Variants in SLCO6A1 observed in about 807,000 individuals in gnomAD.
SLCO6A1 encodes cancer/testis antigen 48.
Under a neutral mutation model 72.7 loss-of-function variants are expected in SLCO6A1, and 65 were observed. The observed-to-expected ratio is 0.89, with a 90% CI of 0.73 to 1.10. The LOEUF (loss-of-function observed/expected upper bound fraction) is 1.10. SLCO6A1 is among the 50% of genes least tolerant of loss of function. The probability of loss-of-function intolerance (pLI) is 0.00; values close to 1 mark genes in which losing one functional copy is unlikely to be tolerated. For missense variants in SLCO6A1, 874 were observed against 872.6 expected, an observed-to-expected ratio of 1.00 and a Z score of -0.02; for synonymous variants, 314 against 298.2, an observed-to-expected ratio of 1.05 and a Z score of -0.55.
intron 9 of SLCO6A1, among the ~76,000 whole-genome samples, chr5:102,412,403 A>T (rs750226725): frequency 2.6e-5 from 4 of 152,082 alleles, no homozygotes; most frequent in Admixed American, 2.0e-4. Flanking sequence ...TTGACATTTT[A>T]ATGTAGGAAT....
At chr5:102,407,480 G>A (rs889467797) in intron 9 of SLCO6A1, among the ~76,000 whole-genome samples, 4 of 152,120 alleles carry the variant, frequency 2.6e-5, no homozygotes, top group Non-Finnish European at 5.9e-5. Context: ...TCTTTCCTGG[G>A]CAAGGCCAAG....
chr5:102,477,432 G>T (rs905675814), intron 3 of SLCO6A1, among the ~76,000 whole-genome samples: 1 of 151,944 alleles, frequency 6.6e-6, no homozygotes, highest in Non-Finnish European at 1.5e-5. Context: ...CCGAAAGTAC[G>T]TATTTTTTCA....
Position 102,456,774 on chromosome 5 carries a change from A to C in SLCO6A1, c.1131+1608T>G, listed in dbSNP as rs555087808. On this transcript the variant is annotated intron_variant, in intron 6 of 13. Coordinates refer to ENST00000506729, the MANE Select transcript of SLCO6A1 (RefSeq NM_173488.5). The stretch of plus-strand genomic sequence containing the variant: ...CTACTTTAAAGTTCATATGGAACCA[A>C]AAAAGAGCCCTCATTGCCAAGACAA... 8.5e-5 allele frequency among the ~76,000 whole-genome samples: 13 copies of C among 152,246 alleles called. No individual in the cohort carries two copies. In the South Asian group the frequency reaches 2.1e-3, roughly 24 times the overall value.
intron 9 of SLCO6A1, among the ~76,000 whole-genome samples, chr5:102,411,069 G>A (rs1747949465): frequency 6.6e-6 from 1 of 152,124 alleles, no homozygotes; most frequent in African/African-American, 2.4e-5. Flanking sequence ...AAGTTTCAGG[G>A]GATTGGGTGC....
rs1751996825 is a variant in SLCO6A1, at chr5:102,477,955, C to T, written c.617-94G>A. ...TTATCAAATATTTTACAAGCTATTTCCAAAATTATGCTTTTTTCTTTTAGT... is the reference window on the plus strand; with the variant it reads ...TTATCAAATATTTTACAAGCTATTTTCAAAATTATGCTTTTTTCTTTTAGT... On this transcript the variant is annotated intron_variant, in intron 2 of 13. Transcript: ENST00000506729. 3 of 1,226,162 alleles carry T rather than the reference C, an allele frequency of 2.4e-6. No individual in the cohort carries two copies. The Admixed American group carries it at 7.0e-5, about 29-fold the overall frequency. 76.0% of individuals were successfully genotyped at this position (1,226,162 alleles called of 1,614,324 possible).
At chr5:102,469,123 G>A (rs1751464897) in intron 4 of SLCO6A1, among the ~76,000 whole-genome samples, 1 of 151,978 alleles carries the variant, frequency 6.6e-6, no homozygotes. Flanking sequence ...TTTTTGCTTA[G>A]GATTGTCTTG....
rs141222446 is a variant in SLCO6A1 at position 102,391,330 on chromosome 5, CTT to C, written c.1815-287_1815-286del. 8.8e-3 allele frequency: 3,287 copies of C among 373,194 alleles called. 88 individuals carry two copies. The highest frequency in any genetic ancestry group is 0.061 in the African/African-American group (2,984 of 48,634). The allele number at this position is 373,194 out of a possible 1,614,324, so 23.1% of individuals were successfully genotyped here. ...AGCTCCCATTCCTTTGCTGGAAAGA[CTT>C]AGCACTAGATTTTATACTTACCGGT... On this transcript the variant is annotated intron_variant, in intron 10 of 13. Coordinates refer to ENST00000506729, the MANE Select transcript of SLCO6A1 (RefSeq NM_173488.5).
intron 6 of SLCO6A1, among the ~76,000 whole-genome samples, chr5:102,450,688 A>T (rs145766766): frequency 6.6e-6 from 1 of 152,312 alleles, no homozygotes; most frequent in East Asian, 1.9e-4. Flanking sequence ...TGGCAATGGC[A>T]GAGGGCCTTT....
At chr5:102,390,671 G>C (rs760019873) in intron 11 of SLCO6A1, among the ~76,000 whole-genome samples, 1 of 152,096 alleles carries the variant, frequency 6.6e-6, no homozygotes. Context: ...GCAATGTAAA[G>C]TATTACAAGA....
chr5:102,410,837 A>G (rs1747935028), intron 9 of SLCO6A1, among the ~76,000 whole-genome samples: 1 of 152,158 alleles, frequency 6.6e-6, no homozygotes, highest in South Asian at 2.1e-4. Flanking sequence ...TAAGTCTCTC[A>G]CTTTCCTGGA....
chr5:102,391,213 C>T lies in SLCO6A1; in HGVS notation c.1815-168G>A, dbSNP rs895088850. 6.6e-6 allele frequency: 4 copies of T among 606,578 alleles called. No homozygotes were observed. In the Admixed American group the frequency reaches 1.2e-4, roughly 18 times the overall value. The allele number at this position is 606,578 out of a possible 1,614,324, so 37.6% of individuals were successfully genotyped here. A position where few individuals can be genotyped will look rare whatever the true frequency, so the allele number is the denominator to read the frequency against. On this transcript the variant is annotated intron_variant, in intron 10 of 13. Coordinates refer to ENST00000506729, the MANE Select transcript of SLCO6A1 (RefSeq NM_173488.5). ...GGCCTGTTAAAGGACTACAACTCCC[C>T]ATTTCTCCATATCCTGCCCCTTGCC...
intron 1 of SLCO6A1, among the ~76,000 whole-genome samples, chr5:102,494,805 C>T (rs1182969233): frequency 1.3e-5 from 2 of 152,158 alleles, no homozygotes; most frequent in South Asian, 4.1e-4. Flanking sequence ...CGGGCAGGAT[C>T]GCAAATGGTA....
At chr5:102,379,773 CAAAA>C (rs10672287) in intron 12 of SLCO6A1, among the ~76,000 whole-genome samples, 78 of 141,018 alleles carry the variant, frequency 5.5e-4, no homozygotes, top group South Asian at 4.1e-3. Flanking sequence ...TTGTCAATTT[CAAAA>C]AAAAAAAAAA....
rs10073333 is a variant in SLCO6A1, at chr5:102,413,037, G to C, written c.1579C>G (p.Pro527Ala). The change falls in exon 9 of 14, where the codon CCC (proline) becomes GCC (alanine). Residue 527 changes from proline to alanine, a missense_variant. Physicochemically the swap from Pro to Ala is conservative, Grantham distance 27. Coordinates refer to ENST00000506729, the MANE Select transcript of SLCO6A1 (RefSeq NM_173488.5). The stretch of plus-strand genomic sequence containing the variant: ...GAATATGTACACCCTGCAAAGCAGG[G>C]AGAAAAATATTCAATATCATCTCTT... ...CGRDDIEYFS[P>A]CFAGCTYSKA... is the part of the protein sequence containing the mutation. 0.057 allele frequency: 88,755 copies of C among 1,557,386 alleles called. 2,924 individuals are homozygous for C. Among genetic ancestry groups the C allele is most frequent in the African/African-American group, 0.1 (7,349 of 72,136 alleles).
In SLCO6A1 at chr5:102,404,688, CTT is replaced by C. The variant is rs535026069; in HGVS notation, c.1627-4948_1627-4947del. Among the ~76,000 whole-genome samples, 7 of 152,062 alleles carry C rather than the reference CTT, an allele frequency of 4.6e-5. No homozygotes were observed. The South Asian group carries it at 1.5e-3, about 32-fold the overall frequency. ...TAGAGTGAAATGTTATTTTCATAAA[CTT>C]GGTATTACTATAATGGATTTATGTA... On this transcript the variant is annotated intron_variant, in intron 9 of 13. Transcript: ENST00000506729.
chr5:102,437,384 C>T (rs1183457225), intron 7 of SLCO6A1, among the ~76,000 whole-genome samples: 1 of 152,082 alleles, frequency 6.6e-6, no homozygotes, highest in East Asian at 1.9e-4. Context: ...TTAAGATAGA[C>T]CTTGATGGCT....
At chr5:102,459,565 T>A (rs1750913930) in intron 5 of SLCO6A1, 91 bp downstream of exon 5, 1 of 1,349,558 alleles carries the variant, frequency 7.4e-7, no homozygotes, top group Non-Finnish European at 9.8e-7. Context: ...CTCATTTTAT[T>A]AAAAATGTAA....
chr5:102,483,626 T>C (rs938695231), intron 1 of SLCO6A1, among the ~76,000 whole-genome samples: 1 of 152,200 alleles, frequency 6.6e-6, no homozygotes, highest in Admixed American at 6.5e-5. Flanking sequence ...ATTTGAGTTA[T>C]GAGTCTGGCA....
At chr5:102,468,243 G>A (rs937500745) in intron 4 of SLCO6A1, among the ~76,000 whole-genome samples, 1 of 152,060 alleles carries the variant, frequency 6.6e-6, no homozygotes, top group Non-Finnish European at 1.5e-5. Context: ...GACATATTTT[G>A]TGGCCTATCA....
Sources: gnomAD v4.1 joint callset for allele counts (sites outside exome capture counted in the v4.1 genomes callset) on GRCh38, gnomAD v4.1.1 for gene constraint, MANE v1.5 for transcripts, NCBI Gene and HGNC (gene_info 2026-07-23, HGNC 2026-07-21) for gene names.